ARHGEF3: variants seen among roughly 807,000 people sequenced by gnomAD.
The protein encoded by ARHGEF3 is Rho guanine nucleotide exchange factor 3, also known as 59.8 kDA protein.
Under a neutral mutation model 63.2 loss-of-function variants are expected in ARHGEF3, and 28 were observed. That is an observed-to-expected ratio of 0.44 (90% CI 0.33 to 0.61). The LOEUF (loss-of-function observed/expected upper bound fraction) is 0.61. Ranked by LOEUF, ARHGEF3 falls within the 20% of genes least tolerant of loss-of-function variation. The pLI, the probability that ARHGEF3 is intolerant of heterozygous loss-of-function variation, is 0.03. For synonymous variants in ARHGEF3, 266 were observed against 254.2 expected, an observed-to-expected ratio of 1.05 and a Z score of -0.44; for missense variants, 533 against 659.3, an observed-to-expected ratio of 0.81 and a Z score of 2.10.
At chr3:57,076,716 C>T (rs948357140) in intron 1 of ARHGEF3, 1 of 152,196 alleles carries the variant, frequency 6.6e-6, no homozygotes, top group African/African-American at 2.4e-5. Flanking sequence ...GCAACCAGTT[C>T]CTTTGCATTT....
chr3:56,947,573 G>C (rs1056303061), intron 3 of ARHGEF3, among the ~76,000 whole-genome samples: 11 of 152,268 alleles, frequency 7.2e-5, no homozygotes, highest in South Asian at 4.1e-4. Flanking sequence ...AACAAGAAGA[G>C]CTAACTATCC....
At chr3:56,742,801 T>C (rs2034125440) in intron 7 of ARHGEF3, among the ~76,000 whole-genome samples, 1 of 152,234 alleles carries the variant, frequency 6.6e-6, no homozygotes, top group African/African-American at 2.4e-5. Context: ...GAGTGAACTT[T>C]TGAAAACAGC....
At chr3:56,868,800 C>T (rs997447842) in intron 4 of ARHGEF3, among the ~76,000 whole-genome samples, 1 of 152,140 alleles carries the variant, frequency 6.6e-6, no homozygotes, top group Non-Finnish European at 1.5e-5. Context: ...CTTAGATGCG[C>T]CTTCTCTGTG....
intron 4 of ARHGEF3, among the ~76,000 whole-genome samples, chr3:56,846,966 A>C (rs780626290): frequency 4.6e-5 from 7 of 152,244 alleles, no homozygotes; most frequent in Non-Finnish European, 1.0e-4. Flanking sequence ...ACTTTGACAC[A>C]AACAATCTTA....
intron 2 of ARHGEF3, among the ~76,000 whole-genome samples, chr3:56,967,501 CATAATATATAATATAATATATTATATGT>C (rs1225620006): frequency 1.3e-5 from 1 of 76,744 alleles, no homozygotes; most frequent in Non-Finnish European, 2.2e-5. Flanking sequence ...AAATATATTA[CATAATATATAATATAATATATTATATGT>C]ATAATATATT....
chr3:56,854,518 T>A (rs1313477805), intron 4 of ARHGEF3, among the ~76,000 whole-genome samples: 1 of 151,884 alleles, frequency 6.6e-6, no homozygotes, highest in Non-Finnish European at 1.5e-5. Flanking sequence ...GTGTGGGGAA[T>A]GGATTTGAGA....
intron 3 of ARHGEF3, among the ~76,000 whole-genome samples, chr3:56,886,102 A>G (rs1329225739): frequency 6.6e-5 from 10 of 152,228 alleles, no homozygotes; most frequent in African/African-American, 2.4e-4. Context: ...TCTGTCATGA[A>G]TGAGTCAGAT....
At chr3:57,065,199 C>A (rs1224665836) in intron 1 of ARHGEF3, among the ~76,000 whole-genome samples, 2 of 152,196 alleles carry the variant, frequency 1.3e-5, no homozygotes, top group Non-Finnish European at 2.9e-5. Flanking sequence ...TCACGCCTCA[C>A]GCCTGTAATC....
intron 2 of ARHGEF3, among the ~76,000 whole-genome samples, chr3:57,025,999 A>C (rs556552142): frequency 6.6e-6 from 1 of 152,264 alleles, no homozygotes; most frequent in Admixed American, 6.5e-5. Flanking sequence ...CAAAATTCTC[A>C]AGACTCCCCC....
exon 2 of ARHGEF3, chr3:57,035,160 T>G: frequency 6.6e-7 from 1 of 1,518,204 alleles, no homozygotes; most frequent in Non-Finnish European, 8.8e-7. Context: ...AGACTCAGTA[T>G]GGCAGGCTCA....
chr3:57,066,555 G>T (rs913056578), intron 1 of ARHGEF3, among the ~76,000 whole-genome samples: 2 of 152,178 alleles, frequency 1.3e-5, no homozygotes, highest in African/African-American at 4.8e-5. Context: ...GAGCCACCGC[G>T]CCCAGGCTTT....
chr3:56,886,453 C>A (rs536656647), intron 3 of ARHGEF3, among the ~76,000 whole-genome samples: 51 of 152,356 alleles, frequency 3.3e-4, no homozygotes, highest in African/African-American at 1.2e-3. Flanking sequence ...ACATTTCACG[C>A]TCTACCCAGG....
intron 2 of ARHGEF3, among the ~76,000 whole-genome samples, chr3:56,971,255 T>G (rs948732265): frequency 1.3e-5 from 2 of 152,152 alleles, no homozygotes; most frequent in African/African-American, 4.8e-5. Context: ...ACATGCATAG[T>G]GGAAGCCATC....
intron 2 of ARHGEF3, among the ~76,000 whole-genome samples, chr3:56,993,873 G>A (rs1701861824): frequency 6.6e-6 from 1 of 150,790 alleles, no homozygotes; most frequent in South Asian, 2.1e-4. Flanking sequence ...GACCAGCCTG[G>A]TCAACATGGT....
At chr3:57,016,603 G>A (rs917631843) in intron 2 of ARHGEF3, among the ~76,000 whole-genome samples, 18 of 152,126 alleles carry the variant, frequency 1.2e-4, no homozygotes, top group African/African-American at 4.3e-4. Context: ...CCATGCAAAT[G>A]TTTTATTATT....
intron 1 of ARHGEF3, among the ~76,000 whole-genome samples, chr3:57,056,918 T>C (rs1021285313): frequency 6.6e-6 from 1 of 151,948 alleles, no homozygotes; most frequent in Admixed American, 6.6e-5. Context: ...CTCTTGGCCT[T>C]GACCATGCAG....
intron 4 of ARHGEF3, among the ~76,000 whole-genome samples, chr3:56,861,032 G>A (rs1356001851): frequency 1.3e-5 from 2 of 152,204 alleles, no homozygotes; most frequent in African/African-American, 4.8e-5. Context: ...GGAAAGGAGA[G>A]GAGATTCATG....
chr3:56,833,391 A>AG (rs2038994016), intron 4 of ARHGEF3, among the ~76,000 whole-genome samples: 3 of 152,166 alleles, frequency 2.0e-5, no homozygotes, highest in African/African-American at 7.2e-5. Flanking sequence ...ATTTGTATAT[A>AG]TTCTTTGGAG....
At chr3:56,932,402 A>G (rs1047009796) in intron 3 of ARHGEF3, among the ~76,000 whole-genome samples, 10 of 152,140 alleles carry the variant, frequency 6.6e-5, no homozygotes, top group African/African-American at 2.4e-4. Flanking sequence ...CCCAAATTGT[A>G]CTGTATATAC....
Sources: allele counts gnomAD v4.1 joint callset (sites outside exome capture counted in the v4.1 genomes callset), GRCh38; gene constraint gnomAD v4.1.1; transcripts MANE v1.5; gene names NCBI Gene and HGNC (gene_info 2026-07-23, HGNC 2026-07-21).